The following TRABD2B variants were observed in gnomAD, a reference collection of about 807,000 sequenced individuals.
TRABD2B encodes TraB domain containing 2B, also known as metalloprotease TIKI2.
Under a neutral mutation model 40.1 loss-of-function variants are expected in TRABD2B, and 14 were observed. The ratio of observed to expected loss-of-function variants is 0.35; its 90% CI spans 0.23 to 0.55. The LOEUF (loss-of-function observed/expected upper bound fraction) is 0.55. TRABD2B is among the 20% of genes least tolerant of loss of function. TRABD2B has a pLI of 0.90. For missense variants in TRABD2B, 541 were observed against 648.6 expected, an observed-to-expected ratio of 0.83 and a Z score of 1.80; for synonymous variants, 263 against 277.0, an observed-to-expected ratio of 0.95 and a Z score of 0.50.
chr1:47,821,766 G>A (rs1031009402), intron 2 of TRABD2B, among the ~76,000 whole-genome samples: 8 of 152,120 alleles, frequency 5.3e-5, no homozygotes, highest in African/African-American at 1.9e-4. Context: ...ACCAGTGTCA[G>A]CCAGTCCTTC....
At chr1:47,950,624 C>A (rs1402023378) in intron 2 of TRABD2B, among the ~76,000 whole-genome samples, 2 of 152,128 alleles carry the variant, frequency 1.3e-5, no homozygotes, top group East Asian at 3.9e-4. Context: ...TGGCTTCAGC[C>A]AAGTCACAAG....
At chr1:47,772,478 G>T (rs887451579) in intron 6 of TRABD2B, among the ~76,000 whole-genome samples, 1 of 151,928 alleles carries the variant, frequency 6.6e-6, no homozygotes, top group African/African-American at 2.4e-5. Context: ...GAGCAGCGGC[G>T]TGGGGGCACT....
intron 2 of TRABD2B, among the ~76,000 whole-genome samples, chr1:47,810,807 G>A (rs1252629328): frequency 1.6e-4 from 24 of 152,206 alleles, no homozygotes; most frequent in Admixed American, 1.4e-3. Context: ...ACAGCCACAG[G>A]CTTGAAAGGG....
chr1:47,840,622 T>G (rs1043885613), intron 2 of TRABD2B, among the ~76,000 whole-genome samples: 6 of 152,194 alleles, frequency 3.9e-5, no homozygotes, highest in Non-Finnish European at 7.3e-5. Context: ...GCTTCATACC[T>G]GTTGATTACA....
rs545609460 is a variant in TRABD2B, at chr1:47,839,251, GAC to G, written c.667-37634_667-37633del. On this transcript the variant is annotated intron_variant, in intron 2 of 6. Transcript: ENST00000606738. ...ACTACTGCATAAAGGCCAGGGGCCT[GAC>G]ACACACACCCGTGAGCAAGCAGAGT... Among the ~76,000 whole-genome samples the G allele has an allele frequency of 2.9e-3, 444 of 152,188 alleles. 1 individual carries two copies. Among genetic ancestry groups the G allele is most frequent in the South Asian group, 0.014 (69 of 4,818 alleles).
chr1:47,872,091 G>A (rs1219219960), intron 2 of TRABD2B, among the ~76,000 whole-genome samples: 5 of 152,236 alleles, frequency 3.3e-5, no homozygotes, highest in Non-Finnish European at 7.3e-5. Flanking sequence ...GGTGTGTGAT[G>A]TGTCGGTCTG....
Position 47,997,263 on chromosome 1 carries a change from G to A in TRABD2B, c.-474C>T, listed in dbSNP as rs1176250343. The A allele has an allele frequency of 6.2e-6, 6 of 974,346 alleles. No individual in the cohort carries two copies. Among genetic ancestry groups the A allele is most frequent in the Admixed American group, 6.2e-5 (1 of 16,074 alleles). 60.4% of individuals were successfully genotyped at this position (974,346 alleles called of 1,614,324 possible). A position where few individuals can be genotyped will look rare whatever the true frequency, so the allele number is the denominator to read the frequency against. ...CAAGTGCGGCGGAAGGCGCGGCAGG[G>A]GTGGGGGGCGGCTCTGGGGCGACCG... On this transcript the variant is annotated 5_prime_UTR_variant, in exon 1 of 7. Transcript: ENST00000606738.
chr1:47,955,725 AAC>A (rs201318081), intron 2 of TRABD2B, among the ~76,000 whole-genome samples: 3,566 of 152,056 alleles, frequency 0.023, 108 homozygotes, highest in Admixed American at 0.09. Flanking sequence ...CTCCTACCCC[AAC>A]TCATTAGCCT....
At chr1:47,918,206 T>C (rs1253829442) in intron 2 of TRABD2B, among the ~76,000 whole-genome samples, 1 of 152,238 alleles carries the variant, frequency 6.6e-6, no homozygotes, top group Non-Finnish European at 1.5e-5. Context: ...AGGGTTCACC[T>C]GTCTGTCTCC....
At chr1:47,809,976 C>T (rs1644941078) in intron 2 of TRABD2B, among the ~76,000 whole-genome samples, 2 of 152,210 alleles carry the variant, frequency 1.3e-5, no homozygotes, top group South Asian at 2.1e-4. Context: ...TGTTCCAGGC[C>T]CTGGAGGTAT....
intron 2 of TRABD2B, among the ~76,000 whole-genome samples, chr1:47,858,164 G>A (rs1177532918): frequency 1.3e-5 from 2 of 151,746 alleles, no homozygotes; most frequent in South Asian, 4.2e-4. Context: ...GGCATCCTCC[G>A]ACAAGGGGCA....
intron 2 of TRABD2B, among the ~76,000 whole-genome samples, chr1:47,867,094 G>A (rs1450819183): frequency 6.6e-6 from 1 of 152,242 alleles, no homozygotes; most frequent in African/African-American, 2.4e-5. Context: ...GCCCTGGATT[G>A]TGGACCCAGA....
rs1646087180 is a variant in TRABD2B at position 47,996,098 on chromosome 1, TCTC to T, written c.102+587_102+589del. On this transcript the variant is annotated intron_variant, in intron 1 of 6. Transcript: ENST00000606738. The surrounding 1 kb of genome is among the most constrained non-coding windows in gnomAD (Gnocchi z 4.6). ...AGTATGTCCTGGCATTGCCTTTTCC[TCTC>T]CTCTGAAATCTTCCCTCTTTTCACG... is the stretch of plus-strand genomic sequence containing the variant. 6.6e-6 allele frequency among the ~76,000 whole-genome samples: 1 copy of T among 152,162 alleles called. No homozygotes were observed. Among genetic ancestry groups the T allele is most frequent in the African/African-American group, 2.4e-5 (1 of 41,434 alleles).
At chr1:47,845,866 CT>C (rs1357202173) in intron 2 of TRABD2B, among the ~76,000 whole-genome samples, 2 of 152,188 alleles carry the variant, frequency 1.3e-5, no homozygotes, top group Non-Finnish European at 2.9e-5. Context: ...ACGTTTTATT[CT>C]ATTTGAAATC....
chr1:47,956,878 T>C (rs916076537), intron 2 of TRABD2B, among the ~76,000 whole-genome samples: 4 of 152,184 alleles, frequency 2.6e-5, no homozygotes, highest in African/African-American at 4.8e-5. Context: ...AGCATGGAGT[T>C]TGAGATCTGA....
chr1:47,794,315 A>T (rs1262796559), intron 4 of TRABD2B, among the ~76,000 whole-genome samples: 1 of 152,054 alleles, frequency 6.6e-6, no homozygotes, highest in Non-Finnish European at 1.5e-5. Context: ...GGGCTCTCAC[A>T]TGGCTGCCTG....
intron 2 of TRABD2B, among the ~76,000 whole-genome samples, chr1:47,857,385 G>C (rs544816135): frequency 6.6e-6 from 1 of 152,160 alleles, no homozygotes; most frequent in East Asian, 1.9e-4. Context: ...GCCAGCCACC[G>C]TTGCTGCATT....
chr1:47,847,516 G>T (rs894136189), intron 2 of TRABD2B, among the ~76,000 whole-genome samples: 3 of 152,190 alleles, frequency 2.0e-5, no homozygotes, highest in African/African-American at 7.2e-5. Flanking sequence ...CCCTCTCACT[G>T]GACTGATGGG....
chr1:47,767,705 T>C (rs1399413853), intron 6 of TRABD2B, among the ~76,000 whole-genome samples: 1 of 152,072 alleles, frequency 6.6e-6, no homozygotes, highest in East Asian at 1.9e-4. Flanking sequence ...GCCTAGAGGG[T>C]AGGCTGTAGA....
Sources: allele counts gnomAD v4.1 joint callset (sites outside exome capture counted in the v4.1 genomes callset), GRCh38; gene constraint gnomAD v4.1.1; non-coding constraint Gnocchi (gnomAD v3.1); transcripts MANE v1.5; gene names NCBI Gene and HGNC (gene_info 2026-07-23, HGNC 2026-07-21).